STRBP: variants seen among roughly 807,000 people sequenced by gnomAD.
STRBP encodes spermatid perinuclear RNA binding protein, also known as spermatid perinuclear RNA-binding protein.
Under a neutral mutation model 80.1 loss-of-function variants are expected in STRBP, and 13 were observed. The ratio of observed to expected loss-of-function variants is 0.16; its 90% CI spans 0.11 to 0.26. The LOEUF is 0.26. STRBP is among the 10% of genes least tolerant of loss of function. The probability of loss-of-function intolerance (pLI) is 1.00; values close to 1 mark genes in which losing one functional copy is unlikely to be tolerated. For synonymous variants in STRBP, 284 were observed against 291.2 expected, an observed-to-expected ratio of 0.98 and a Z score of 0.25; for missense variants, 485 against 815.2, an observed-to-expected ratio of 0.59 and a Z score of 4.93.
intron 13 of STRBP, among the ~76,000 whole-genome samples, chr9:123,143,621 A>T (rs966338558): frequency 1.3e-5 from 2 of 152,278 alleles, no homozygotes; most frequent in Non-Finnish European, 2.9e-5. Flanking sequence ...TATGCCTGGC[A>T]TAGAATAAGA....
At chr9:123,221,991 G>C (rs1281731295) in intron 2 of STRBP, among the ~76,000 whole-genome samples, 1 of 152,096 alleles carries the variant, frequency 6.6e-6, no homozygotes, top group African/African-American at 2.4e-5. Context: ...GTCCTTACCT[G>C]AACCAGATTA....
chr9:123,238,504 C>CTAGG (rs1479777673), intron 1 of STRBP, among the ~76,000 whole-genome samples: 1 of 152,182 alleles, frequency 6.6e-6, no homozygotes, highest in Non-Finnish European at 1.5e-5. Context: ...GCAGCATGAC[C>CTAGG]TAGGGTTTAG....
intron 1 of STRBP, among the ~76,000 whole-genome samples, chr9:123,238,482 A>G (rs2040618386): frequency 6.6e-6 from 1 of 152,360 alleles, no homozygotes; most frequent in East Asian, 1.9e-4. Flanking sequence ...CAAGGAAGAC[A>G]GCTGCATAAA....
intron 1 of STRBP, among the ~76,000 whole-genome samples, chr9:123,247,560 C>T (rs772114170): frequency 1.1e-4 from 17 of 152,182 alleles, no homozygotes; most frequent in African/African-American, 1.7e-4. Flanking sequence ...TGAGCCACTG[C>T]GCCCAGCCTC....
intron 11 of STRBP, among the ~76,000 whole-genome samples, chr9:123,150,634 G>T (rs1036706903): frequency 4.0e-5 from 6 of 151,508 alleles, no homozygotes; most frequent in Non-Finnish European, 2.9e-5. Context: ...GAAGGTGAAA[G>T]AAATTCTCTG....
At chr9:123,120,095 C>A (rs1383415693), downstream of STRBP, among the ~76,000 whole-genome samples, 2 of 152,068 alleles carry the variant, frequency 1.3e-5, no homozygotes, top group African/African-American at 4.8e-5. Context: ...GGGACTCATT[C>A]TTATATAAGT....
rs533646005 is a variant in STRBP, at chr9:123,115,412, G to T, written c.*84+517C>A. 1 of 470,826 alleles carries T rather than the reference G, an allele frequency of 2.1e-6. No individual in the cohort carries two copies. Among genetic ancestry groups the T allele is most frequent in the East Asian group, 7.0e-5 (1 of 14,380 alleles). The allele number at this position is 470,826 out of a possible 1,614,324, so 29.2% of individuals were successfully genotyped here. On this transcript the variant is annotated intron_variant and NMD_transcript_variant, in intron 3 of 3. Transcript: ENST00000471564. This position sits in a 1 kb window ranked among gnomAD's most constrained non-coding sequence, Gnocchi z 5.0. The stretch of plus-strand genomic sequence containing the variant: ...AAGGAGGATCCCTAGCAGGGAGGGG[G>T]AGACCCACTGAAGCCTTTCTCCCTG...
intron 2 of STRBP, among the ~76,000 whole-genome samples, chr9:123,228,565 C>T (rs1380691764): frequency 6.6e-6 from 1 of 152,116 alleles, no homozygotes; most frequent in Non-Finnish European, 1.5e-5. Flanking sequence ...AAATGCTGGG[C>T]ATAGGTCAAA....
chr9:123,224,319 T>C (rs1364720463), intron 2 of STRBP, among the ~76,000 whole-genome samples: 2 of 152,144 alleles, frequency 1.3e-5, no homozygotes, highest in Non-Finnish European at 2.9e-5. Context: ...AATTCTTCAC[T>C]CACAGAACAA....
At chr9:123,221,014 T>C (rs955404797) in intron 2 of STRBP, among the ~76,000 whole-genome samples, 1 of 152,132 alleles carries the variant, frequency 6.6e-6, no homozygotes, top group African/African-American at 2.4e-5. Context: ...TTTTTGTTTA[T>C]AGAGATTTTT....
intron 17 of STRBP, among the ~76,000 whole-genome samples, chr9:123,131,896 C>A (rs1322638026): frequency 6.6e-6 from 1 of 152,182 alleles, no homozygotes. Flanking sequence ...ACAAAGTGAA[C>A]CCTTAGGGAT....
chr9:123,165,850 G>A (rs1383927915), intron 6 of STRBP, among the ~76,000 whole-genome samples: 4 of 152,058 alleles, frequency 2.6e-5, no homozygotes, highest in Non-Finnish European at 5.9e-5. Flanking sequence ...GCCATGTGAG[G>A]GCTTTTAAAA....
intron 16 of STRBP, among the ~76,000 whole-genome samples, chr9:123,134,412 C>T (rs1046712656): frequency 2.0e-5 from 3 of 151,880 alleles, no homozygotes; most frequent in Non-Finnish European, 1.5e-5. Flanking sequence ...GGAACCTCTA[C>T]CTCTAGTATG....
intron 4 of STRBP, among the ~76,000 whole-genome samples, chr9:123,176,278 T>C (rs551495847): frequency 6.6e-6 from 1 of 152,212 alleles, no homozygotes; most frequent in Non-Finnish European, 1.5e-5. Flanking sequence ...AAGTGCTACC[T>C]CCTTCATGGA....
rs541030862 is a variant in STRBP, at chr9:123,264,186, A to C, written c.-302+4250T>G. On this transcript the variant is annotated intron_variant, in intron 1 of 18. Transcript: ENST00000348403. ...GAGCGCCACTGCATTCCCCACCCCC[A>C]AAAAAAGAATTGAATTCACTGAGCC... 2.0e-3 allele frequency among the ~76,000 whole-genome samples: 303 copies of C among 152,270 alleles called. 1 individual carries two copies. The highest frequency in any genetic ancestry group is 6.8e-3 in the Middle Eastern group (2 of 294).
chr9:123,258,598 T>C (rs1456734533), intron 1 of STRBP, among the ~76,000 whole-genome samples: 2 of 151,756 alleles, frequency 1.3e-5, no homozygotes, highest in Non-Finnish European at 2.9e-5. Flanking sequence ...GGTCAGGAAA[T>C]CGAGACCATC....
Position 123,123,097 on chromosome 9 carries a change from C to T in STRBP, c.*2500G>A, listed in dbSNP as rs1000835362. 2.0e-6 allele frequency: 2 copies of T among 985,314 alleles called. No individual in the cohort carries two copies. The highest frequency in any genetic ancestry group is 3.5e-5 in the African/African-American group (2 of 57,228). The allele number at this position is 985,314 out of a possible 1,614,324, so 61.0% of individuals were successfully genotyped here. ...GACCAAGACATAGAAATTGCCATTT[C>T]AAGCCAGACAACCTGATGGTTCTAG... is the stretch of plus-strand genomic sequence containing the variant. On this transcript the variant is annotated 3_prime_UTR_variant, in exon 19 of 19. Transcript: ENST00000348403.
intron 2 of STRBP, among the ~76,000 whole-genome samples, chr9:123,190,834 C>A (rs982960566): frequency 6.6e-6 from 1 of 152,140 alleles, no homozygotes; most frequent in Admixed American, 6.5e-5. Flanking sequence ...AAAAACACAT[C>A]CCTTTGCTAA....
intron 8 of STRBP, 81 bp downstream of exon 8, chr9:123,160,286 T>C: frequency 9.8e-7 from 1 of 1,016,570 alleles, no homozygotes; most frequent in Non-Finnish European, 1.4e-6. Context: ...GAGATAGCCA[T>C]TTTAAAGTAA....
Sources: allele counts gnomAD v4.1 joint callset (sites outside exome capture counted in the v4.1 genomes callset), GRCh38; gene constraint gnomAD v4.1.1; non-coding constraint Gnocchi (gnomAD v3.1); transcripts MANE v1.5; gene names NCBI Gene and HGNC (gene_info 2026-07-23, HGNC 2026-07-21).